The following TMEM9B variants were observed in gnomAD, a reference collection of about 807,000 sequenced individuals.
The protein encoded by TMEM9B is TMEM9 domain family member B, also known as transmembrane protein 9B.
Under a neutral mutation model 23.5 loss-of-function variants are expected in TMEM9B, and 8 were observed. That is an observed-to-expected ratio of 0.34 (90% confidence interval 0.20 to 0.61). The LOEUF (loss-of-function observed/expected upper bound fraction) is 0.61. TMEM9B is among the 20% of genes least tolerant of loss of function. TMEM9B has a pLI of 0.78. For synonymous variants in TMEM9B, 106 were observed against 96.3 expected (o/e 1.10, Z -0.59); for missense variants, 197 against 252.3 (o/e 0.78, Z 1.49).
At chr11:8,962,267 G>C in intron 1 of TMEM9B, 84 bp from the exon 2 acceptor site, 1 of 857,260 alleles carries the variant, frequency 1.2e-6, no homozygotes, top group Non-Finnish European at 1.8e-6. Context: ...ATTTTGCCAA[G>C]CATCCTCTTT....
chr11:8,948,759 C>A (rs1853823097), intron 4 of TMEM9B, among the ~76,000 whole-genome samples: 1 of 152,094 alleles, frequency 6.6e-6, no homozygotes, highest in South Asian at 2.1e-4. Context: ...GGAGACCAAG[C>A]AAAAGACAGT....
chr11:8,959,641 A>G (rs1043564125), intron 2 of TMEM9B, among the ~76,000 whole-genome samples: 1 of 152,214 alleles, frequency 6.6e-6, no homozygotes, highest in Admixed American at 6.5e-5. Flanking sequence ...GTGCTGTGCA[A>G]AAGTTGTGCC....
intron 3 of TMEM9B, 62 bp from the exon 4 acceptor site, chr11:8,953,399 G>A: frequency 1.3e-6 from 2 of 1,551,476 alleles, no homozygotes; most frequent in Non-Finnish European, 1.8e-6. Context: ...AACTTTGTAT[G>A]ATAATAGTAA....
rs1853996108 is a variant in TMEM9B at position 8,957,473 on chromosome 11, T to C, written c.198-1175A>G. Among the ~76,000 whole-genome samples, 1 of 152,240 alleles carries C rather than the reference T, an allele frequency of 6.6e-6. No individual in the cohort carries two copies. The highest frequency in any genetic ancestry group is 1.5e-5 in the Non-Finnish European group (1 of 68,040). ...CCTGCCAGCTGTTGGACAATTTTCT[T>C]TCCTTTTGGCATCTCTTCGTTAGGC... On this transcript the variant is annotated intron_variant, in intron 2 of 4. Coordinates refer to ENST00000534025, the MANE Select transcript of TMEM9B (RefSeq NM_020644.3). This position sits in a 1 kb window ranked among gnomAD's most constrained non-coding sequence, Gnocchi z 4.3.
At chr11:8,963,980 C>T in intron 1 of TMEM9B, 1 of 541,776 alleles carries the variant, frequency 1.8e-6, no homozygotes, top group Non-Finnish European at 3.2e-6. Flanking sequence ...ACTGTCGGGG[C>T]TGGGGACGAC....
At chr11:8,952,395 C>A (rs1853901822) in intron 4 of TMEM9B, among the ~76,000 whole-genome samples, 2 of 151,468 alleles carry the variant, frequency 1.3e-5, no homozygotes, top group South Asian at 4.2e-4. Flanking sequence ...TTTTATTTTT[C>A]TCTAAAGATC....
intron 2 of TMEM9B, among the ~76,000 whole-genome samples, chr11:8,959,989 C>T (rs1426267150): frequency 1.3e-5 from 2 of 152,046 alleles, no homozygotes; most frequent in Non-Finnish European, 2.9e-5. Context: ...TTGCCTGCCC[C>T]GTAAAGTCAG....
At chr11:8,954,996 C>CA (rs2134867892) in intron 3 of TMEM9B, among the ~76,000 whole-genome samples, 1 of 151,902 alleles carries the variant, frequency 6.6e-6, no homozygotes, top group East Asian at 1.9e-4. Context: ...ACTAAAAATA[C>CA]AAAAATTAGC....
chr11:8,952,075 C>T (rs1272569483), intron 4 of TMEM9B, among the ~76,000 whole-genome samples: 2 of 152,156 alleles, frequency 1.3e-5, no homozygotes, highest in South Asian at 2.1e-4. Flanking sequence ...CGCCACTGCA[C>T]TCCAGCATGG....
Position 8,958,545 on chromosome 11 carries a change from C to T in TMEM9B, c.198-2247G>A, listed in dbSNP as rs117773890. Among the ~76,000 whole-genome samples, 499 of 150,406 alleles carry T rather than the reference C, an allele frequency of 3.3e-3. 1 individual carries two copies. Among genetic ancestry groups the T allele is most frequent in the African/African-American group, 0.01 (410 of 40,914 alleles). On this transcript the variant is annotated intron_variant, in intron 2 of 4. Transcript: ENST00000534025. Reference sequence around the variant, plus strand: ...GTGGCATTAGAAAAAATAACCAAAACGGTATATGATAGAAGTTGTTAGGTT... The same window carrying T: ...GTGGCATTAGAAAAAATAACCAAAATGGTATATGATAGAAGTTGTTAGGTT...
rs190789725 is a variant in TMEM9B, at chr11:8,962,239, A to T, written c.106-56T>A. 4.0e-4 allele frequency: 467 copies of T among 1,174,444 alleles called. 2 individuals are homozygous for T. The African/African-American group carries it at 6.6e-3, about 17-fold the overall frequency. 72.8% of individuals were successfully genotyped at this position (1,174,444 alleles called of 1,614,324 possible). ...TTGACAGTTTATCATCAATATTTTT[A>T]AAAACTGTACCATATACATTTTGCC... On this transcript the variant is annotated intron_variant, in intron 1 of 4. Coordinates refer to ENST00000534025, the MANE Select transcript of TMEM9B (RefSeq NM_020644.3).
intron 4 of TMEM9B, among the ~76,000 whole-genome samples, chr11:8,952,247 T>TACACACACACAC (rs760980883): frequency 3.3e-4 from 13 of 38,944 alleles, no homozygotes; most frequent in African/African-American, 5.1e-4. Context: ...ATGCCAACTA[T>TACACACACACAC]ATACACACAC....
chr11:8,962,229 CAAT>C, intron 1 of TMEM9B, 46 bp from the exon 2 acceptor site: 1 of 1,286,828 alleles, frequency 7.8e-7, no homozygotes, highest in Non-Finnish European at 1.1e-6. Context: ...AGTTTATCAT[CAAT>C]ATTTTTAAAA....
In TMEM9B at chr11:8,952,249, T is replaced by TACACACACACACAC. The variant is rs142506777; in HGVS notation, c.441+940_441+953dup. On this transcript the variant is annotated intron_variant, in intron 4 of 4. Coordinates refer to ENST00000534025, the MANE Select transcript of TMEM9B (RefSeq NM_020644.3). ...ATTTATACAGATTATGCCAACTATA[T>TACACACACACACAC]ACACACACACACACACACACACACA... Among the ~76,000 whole-genome samples the TACACACACACACAC allele has an allele frequency of 3.6e-3, 437 of 122,672 alleles. 4 individuals are homozygous for TACACACACACACAC. Among genetic ancestry groups the TACACACACACACAC allele is most frequent in the East Asian group, 0.032 (130 of 4,084 alleles). The allele number at this position is 122,672 out of a possible 152,430, so 80.5% of individuals were successfully genotyped here.
intron 3 of TMEM9B, among the ~76,000 whole-genome samples, chr11:8,953,939 T>C (rs1175805877): frequency 6.6e-6 from 1 of 152,224 alleles, no homozygotes; most frequent in African/African-American, 2.4e-5. Context: ...GGAAAACATA[T>C]ATATCCATAC....
chr11:8,948,792 C>G (rs1190045458), intron 4 of TMEM9B, among the ~76,000 whole-genome samples: 2 of 152,152 alleles, frequency 1.3e-5, no homozygotes. Context: ...TAAAGAGAAG[C>G]CTTCCTTAAC....
rs1355055100 is a variant in TMEM9B, at chr11:8,948,495, G to T, written c.442-20C>A. The T allele has an allele frequency of 6.2e-7, 1 of 1,610,662 alleles. No homozygotes were observed. The highest frequency in any genetic ancestry group is 8.5e-7 in the Non-Finnish European group (1 of 1,178,246). On this transcript the variant is annotated intron_variant, in intron 4 of 4. Coordinates refer to ENST00000534025, the MANE Select transcript of TMEM9B (RefSeq NM_020644.3). ...GTGATCCTAAAAGTCCAGGAATGGAGAACATTAGAGATGGCACAGTCAGTG... is the reference window on the plus strand; with the variant it reads ...GTGATCCTAAAAGTCCAGGAATGGATAACATTAGAGATGGCACAGTCAGTG...
chr11:8,955,051 T>C (rs1405028201), intron 3 of TMEM9B, among the ~76,000 whole-genome samples: 2 of 150,618 alleles, frequency 1.3e-5, no homozygotes, highest in African/African-American at 4.9e-5. Context: ...CTCAGGAGGC[T>C]GAGGCAGGAG....
chr11:8,959,096 C>T (rs1469479630), intron 2 of TMEM9B, among the ~76,000 whole-genome samples: 2 of 152,174 alleles, frequency 1.3e-5, no homozygotes, highest in Non-Finnish European at 2.9e-5. Flanking sequence ...ATCTGAGGAT[C>T]AGAGAGCTCA....
Sources: allele counts gnomAD v4.1 joint callset (sites outside exome capture counted in the v4.1 genomes callset), GRCh38; gene constraint gnomAD v4.1.1; non-coding constraint Gnocchi (gnomAD v3.1); transcripts MANE v1.5; gene names NCBI Gene and HGNC (gene_info 2026-07-23, HGNC 2026-07-21).